OTOGL: variants seen among roughly 807,000 people sequenced by gnomAD.
The protein encoded by OTOGL is otogelin-like protein.
In OTOGL, 285 loss-of-function variants were observed where a neutral mutation model predicts 318.5. The observed-to-expected ratio is 0.89, with a 90% CI of 0.81 to 0.99. The LOEUF (loss-of-function observed/expected upper bound fraction) is 0.99. Ranked by LOEUF, OTOGL falls within the 50% of genes least tolerant of loss-of-function variation. The pLI, the probability that OTOGL is intolerant of heterozygous loss-of-function variation, is 0.00. For missense variants in OTOGL, 2,899 were observed against 2,845.6 expected, an observed-to-expected ratio of 1.02 and a Z score of -0.43; for synonymous variants, 987 against 936.5, an observed-to-expected ratio of 1.05 and a Z score of -0.99.
rs532953488 is a variant in OTOGL at position 80,380,780 on chromosome 12, C to T, written c.*2732C>T. On this transcript the variant is annotated 3_prime_UTR_variant, in exon 59 of 59. Transcript: ENST00000547103. ...GCCTAGAATATATATGCCGTACAAA[C>T]GCCTGTACAAATACAAAGTGGTATT... 13 of 152,070 alleles carry T rather than the reference C, an allele frequency of 8.5e-5. No individual in the cohort carries two copies. Among genetic ancestry groups the T allele is most frequent in the South Asian group, 4.2e-4 (2 of 4,814 alleles). 9.4% of individuals were successfully genotyped at this position (152,070 alleles called of 1,614,324 possible).
At chr12:80,290,741 T>C (rs1051739329) in intron 26 of OTOGL, among the ~76,000 whole-genome samples, 1 of 152,204 alleles carries the variant, frequency 6.6e-6, no homozygotes, top group Non-Finnish European at 1.5e-5. Context: ...TCTCTACAAA[T>C]ATTTTCCAAT....
At chr12:80,310,577 A>G (rs780572779) in intron 29 of OTOGL, 34 bp from the exon 30 acceptor site, 2 of 1,465,076 alleles carry the variant, frequency 1.4e-6, no homozygotes, top group African/African-American at 1.4e-5. Flanking sequence ...TGTCCCTTTG[A>G]AAACTTCTTT....
At chr12:80,186,860 T>TC (rs1375769623) in intron 1 of OTOGL, among the ~76,000 whole-genome samples, 1 of 151,898 alleles carries the variant, frequency 6.6e-6, no homozygotes, top group African/African-American at 2.4e-5. Context: ...TAGCACAGAG[T>TC]CCAAAGCACC....
At chr12:80,374,872 T>C (rs1384036967) in intron 57 of OTOGL, among the ~76,000 whole-genome samples, 1 of 152,100 alleles carries the variant, frequency 6.6e-6, no homozygotes, top group Admixed American at 6.6e-5. Flanking sequence ...ATTAAGCACA[T>C]TGCTGACAGG....
chr12:80,118,892 G>A lies in OTOGL; in HGVS notation c.-20+19287G>A, dbSNP rs577877152. On this transcript the variant is annotated intron_variant, in intron 1 of 58. Transcript: ENST00000547103. ...TTTTTTTTTTTTTGGTCATAAGAAGGAGAAGAATTGCTCTTTGATATTGAT... is the reference window on the plus strand; with the variant it reads ...TTTTTTTTTTTTTGGTCATAAGAAGAAGAAGAATTGCTCTTTGATATTGAT... 6.5e-4 allele frequency among the ~76,000 whole-genome samples: 99 copies of A among 151,274 alleles called. No homozygotes were observed. In the Middle Eastern group the frequency reaches 0.014, roughly 21 times the overall value.
Position 80,273,942 on chromosome 12 carries a change from C to A in OTOGL, c.2681+2132C>A, listed in dbSNP as rs74332953. Among the ~76,000 whole-genome samples, 258 of 151,922 alleles carry A rather than the reference C, an allele frequency of 1.7e-3. 1 individual carries two copies. The highest frequency in any genetic ancestry group is 6.1e-3 in the African/African-American group (255 of 41,480). On this transcript the variant is annotated intron_variant, in intron 24 of 58. Coordinates refer to ENST00000547103, the MANE Select transcript of OTOGL (RefSeq NM_001378609.3). ...TATTTCAGGGTTCCACAAATGGTGC[C>A]CATATAAGATGGAAAAATTAATTGA...
intron 26 of OTOGL, among the ~76,000 whole-genome samples, chr12:80,288,348 A>G (rs1447787307): frequency 6.6e-6 from 1 of 151,876 alleles, no homozygotes; most frequent in African/African-American, 2.4e-5. Flanking sequence ...TTTCATTTCA[A>G]CCTTGGAGAA....
chr12:80,105,119 G>A (rs7312108), intron 1 of OTOGL, among the ~76,000 whole-genome samples: 97,241 of 151,712 alleles, frequency 0.64, 31,934 homozygotes, highest in African/African-American at 0.78. Flanking sequence ...CAAAACAAAC[G>A]AACAAAACTG....
intron 44 of OTOGL, among the ~76,000 whole-genome samples, chr12:80,344,351 A>G (rs1194319092): frequency 6.6e-6 from 1 of 152,134 alleles, no homozygotes; most frequent in Non-Finnish European, 1.5e-5. Flanking sequence ...TTAGTCTGTG[A>G]TAGCTTCCAC....
chr12:80,368,447 G>A (rs1890689969), intron 55 of OTOGL, 138 bp downstream of exon 55: 2 of 449,528 alleles, frequency 4.4e-6, no homozygotes, highest in Non-Finnish European at 7.9e-6. Context: ...ACAAGACACA[G>A]TTACATTTGT....
intron 1 of OTOGL, among the ~76,000 whole-genome samples, chr12:80,176,930 A>G (rs1395010100): frequency 1.3e-5 from 2 of 152,224 alleles, no homozygotes; most frequent in East Asian, 3.9e-4. Flanking sequence ...TTTTGATTTT[A>G]ACCCATATTT....
intron 22 of OTOGL, 81 bp from the exon 23 acceptor site, chr12:80,270,021 G>T: frequency 8.9e-7 from 1 of 1,120,990 alleles, no homozygotes; most frequent in South Asian, 1.4e-5. Context: ...ATTCTTGTAC[G>T]TTAGATTGTT....
chr12:80,249,212 C>G (rs1351134436), intron 11 of OTOGL, among the ~76,000 whole-genome samples: 1 of 148,782 alleles, frequency 6.7e-6, no homozygotes, highest in African/African-American at 2.6e-5. Context: ...TGGTGAGGAA[C>G]TGCGTTCCTT....
At chr12:80,256,267 A>G (rs1179630599) in intron 16 of OTOGL, 70 bp from the exon 17 acceptor site, 1 of 1,474,334 alleles carries the variant, frequency 6.8e-7, no homozygotes, top group Non-Finnish European at 9.2e-7. Context: ...TCCCATCTCC[A>G]CCTTCCTGTC....
intron 11 of OTOGL, among the ~76,000 whole-genome samples, chr12:80,249,930 A>T (rs556180439): frequency 5.1e-4 from 78 of 152,038 alleles, no homozygotes; most frequent in Non-Finnish European, 1.0e-3. Context: ...CCGATTTTCC[A>T]GGTGCGTCCG....
At chr12:80,240,337 C>T (rs571633580) in intron 11 of OTOGL, among the ~76,000 whole-genome samples, 65 of 152,116 alleles carry the variant, frequency 4.3e-4, no homozygotes, top group African/African-American at 1.4e-3. Context: ...CATTTTTATG[C>T]CGTGAATCCC....
chr12:80,239,263 G>A, intron 10 of OTOGL, 70 bp from the exon 11 acceptor site: 3 of 1,230,742 alleles, frequency 2.4e-6, no homozygotes, highest in South Asian at 1.5e-5. Context: ...AAATAGATCT[G>A]TAAAAATAAT....
intron 1 of OTOGL, among the ~76,000 whole-genome samples, chr12:80,100,869 G>A (rs921733046): frequency 6.6e-6 from 1 of 151,266 alleles, no homozygotes; most frequent in Non-Finnish European, 1.5e-5. Flanking sequence ...TTTCCCATGT[G>A]TTTCCCATTT....
intron 18 of OTOGL, among the ~76,000 whole-genome samples, chr12:80,261,287 A>G (rs1882503781): frequency 6.6e-6 from 1 of 152,090 alleles, no homozygotes; most frequent in South Asian, 2.1e-4. Flanking sequence ...ACATTGTCCA[A>G]TAGGGGTTGT....
Sources: gnomAD v4.1 joint callset for allele counts (sites outside exome capture counted in the v4.1 genomes callset) on GRCh38, gnomAD v4.1.1 for gene constraint, MANE v1.5 for transcripts, NCBI Gene and HGNC (gene_info 2026-07-23, HGNC 2026-07-21) for gene names.